Variants in WDR89 observed in about 807,000 individuals in gnomAD.
WDR89 encodes WD repeat domain 89.
WDR89 carries 17 observed loss-of-function variants against 29.1 expected under a neutral mutation model. The observed-to-expected ratio is 0.58, with a 90% CI of 0.40 to 0.88. The LOEUF (loss-of-function observed/expected upper bound fraction) is 0.88, where lower values mean the gene tolerates loss of function less well. Ranked by LOEUF, WDR89 falls within the 40% of genes least tolerant of loss-of-function variation. The probability of loss-of-function intolerance (pLI) is 0.00; values close to 1 mark genes in which losing one functional copy is unlikely to be tolerated. For synonymous variants in WDR89, 138 were observed against 157.8 expected, an observed-to-expected ratio of 0.87 and a Z score of 0.94; for missense variants, 396 against 456.3, an observed-to-expected ratio of 0.87 and a Z score of 1.20.
At chr14:63,629,320 A>G (rs149646241) in intron 1 of WDR89, among the ~76,000 whole-genome samples, 1 of 152,186 alleles carries the variant, frequency 6.6e-6, no homozygotes, top group Admixed American at 6.5e-5. Context: ...TCCAAACTTC[A>G]TCTCTTTATT....
chr14:63,637,458 A>G (rs1258701434), intron 1 of WDR89, among the ~76,000 whole-genome samples: 1 of 152,226 alleles, frequency 6.6e-6, no homozygotes, highest in African/African-American at 2.4e-5. Flanking sequence ...AGATACTTGC[A>G]CACGCATGTT....
chr14:63,615,823 C>A (rs1410263220), intron 2 of WDR89, among the ~76,000 whole-genome samples: 1 of 151,668 alleles, frequency 6.6e-6, no homozygotes, highest in Non-Finnish European at 1.5e-5. Context: ...ACTCAGGCGG[C>A]TGAGGCAGGA....
Position 63,599,241 on chromosome 14 carries a change from G to A in WDR89, c.702C>T (p.Cys234=). 2 of 1,607,926 alleles carry A rather than the reference G, an allele frequency of 1.2e-6. No homozygotes were observed. Among genetic ancestry groups the A allele is most frequent in the Non-Finnish European group, 1.7e-6 (2 of 1,176,014 alleles). Residue 234 remains cysteine (C), a synonymous_variant, in exon 3 of 3, where the codon TGC becomes TGT. Coordinates refer to ENST00000620954, the MANE Select transcript of WDR89 (RefSeq NM_080666.4). ...WSGKGYKQIY[C]MTHDEGFYWW... ...AATAAAATCCTTCATCATGTGTCATGCAGTAAATCTGTTTATAACCTTTCC... is the reference window on the plus strand; with the variant it reads ...AATAAAATCCTTCATCATGTGTCATACAGTAAATCTGTTTATAACCTTTCC...
intron 1 of WDR89, among the ~76,000 whole-genome samples, chr14:63,628,133 G>A (rs949591731): frequency 2.0e-5 from 3 of 152,124 alleles, no homozygotes; most frequent in Non-Finnish European, 4.4e-5. Flanking sequence ...GCTACTTGGG[G>A]GAGCTGAAGA....
At position 63,623,916 on chromosome 14, in the gene WDR89, ACC is replaced by A. The variant is rs1407068995; in HGVS notation, c.-32+1010_-32+1011del. On this transcript the variant is annotated intron_variant, in intron 2 of 2. Coordinates refer to ENST00000620954, the MANE Select transcript of WDR89 (RefSeq NM_080666.4). The stretch of plus-strand genomic sequence containing the variant: ...AAGGAAATGGATAGAAAAAAGATAT[ACC>A]ATGCAAATATTAATAAAAAGAAAGC... Among the ~76,000 whole-genome samples, 4 of 152,022 alleles carry A rather than the reference ACC, an allele frequency of 2.6e-5. No homozygotes were observed. In the East Asian group the frequency reaches 7.7e-4, roughly 29 times the overall value.
intron 1 of WDR89, among the ~76,000 whole-genome samples, chr14:63,627,299 T>C (rs768637652): frequency 1.2e-4 from 18 of 152,054 alleles, no homozygotes; most frequent in Non-Finnish European, 2.6e-4. Flanking sequence ...ATTAAATATA[T>C]GCGTATGTAA....
chr14:63,620,601 G>A (rs1003527943), intron 2 of WDR89, among the ~76,000 whole-genome samples: 3 of 152,114 alleles, frequency 2.0e-5, no homozygotes, highest in Admixed American at 6.5e-5. Context: ...ATTGCTAAGA[G>A]GGGGCAGGCA....
At chr14:63,603,246 C>T (rs1195427204) in intron 2 of WDR89, among the ~76,000 whole-genome samples, 1 of 151,954 alleles carries the variant, frequency 6.6e-6, no homozygotes, top group African/African-American at 2.4e-5. Flanking sequence ...CTTCTTGCCA[C>T]ATTTGCTTTC....
intron 2 of WDR89, among the ~76,000 whole-genome samples, chr14:63,619,778 G>A (rs1253911769): frequency 6.6e-6 from 1 of 152,114 alleles, no homozygotes; most frequent in East Asian, 1.9e-4. Flanking sequence ...GCCAAGGCAG[G>A]AGGATCACTT....
At chr14:63,635,094 A>G (rs528456047) in intron 1 of WDR89, among the ~76,000 whole-genome samples, 505 of 152,208 alleles carry the variant, frequency 3.3e-3, no homozygotes, top group Non-Finnish European at 5.0e-3. Flanking sequence ...ACTATTCCAC[A>G]AGATAACAAA....
intron 2 of WDR89, chr14:63,601,963 CT>C: frequency 2.4e-6 from 1 of 409,008 alleles, no homozygotes; most frequent in South Asian, 3.5e-5. Context: ...TTCTATTGTG[CT>C]TTCTCATCAG....
At chr14:63,617,435 G>A (rs922328797) in intron 2 of WDR89, among the ~76,000 whole-genome samples, 4 of 151,788 alleles carry the variant, frequency 2.6e-5, no homozygotes, top group African/African-American at 7.3e-5. Flanking sequence ...TAATTATCCA[G>A]TTGCTTATAC....
rs775370344 is a variant in WDR89, at chr14:63,599,889, T to C, written c.54A>G (p.Leu18=). The C allele has an allele frequency of 5.6e-6, 9 of 1,613,492 alleles. No homozygotes were observed. The highest frequency in any genetic ancestry group is 5.9e-6 in the Non-Finnish European group (7 of 1,179,754). The part of the protein sequence containing the change: ...FANLHIVKCS[L]GTKEPTYLLG... ...GAAGGTAAGTGGGCTCTTTGGTTCC[T>C]AAGGAACATTTAACAATGTGCAGAT... Residue 18 remains leucine (L), a synonymous_variant, in exon 3 of 3, where the codon TTA becomes TTG. Transcript: ENST00000620954.
rs1483963351 is a variant in WDR89 at position 63,597,752 on chromosome 14, A to G, written c.*1027T>C. The stretch of plus-strand genomic sequence containing the variant: ...TATGTAGTCCGCCATCAAAACATCA[A>G]TGTACTGAAGATTTTAAGCAGCATG... On this transcript the variant is annotated 3_prime_UTR_variant, in exon 3 of 3. Transcript: ENST00000620954. 6.6e-6 allele frequency: 1 copy of G among 152,178 alleles called. No homozygotes were observed. The highest frequency in any genetic ancestry group is 1.5e-5 in the Non-Finnish European group (1 of 68,032). The allele number at this position is 152,178 out of a possible 1,614,324, so 9.4% of individuals were successfully genotyped here.
chr14:63,599,719 CCATTAAG>C lies in WDR89; in HGVS notation c.217_223del (p.Leu73GlufsTer20). 1 of 1,614,154 alleles carries C rather than the reference CCATTAAG, an allele frequency of 6.2e-7. No individual in the cohort carries two copies. Among genetic ancestry groups the C allele is most frequent in the Non-Finnish European group, 8.5e-7 (1 of 1,180,028 alleles). ...GTCACAGGAATTTGCAAATCTGACT[CCATTAAG>C]AAGTCCAGGATATCCACTAAATTCT... On this transcript the variant is annotated frameshift_variant, in exon 3 of 3. Transcript: ENST00000620954. LOFTEE classifies it high-confidence loss of function.
In WDR89 at chr14:63,598,160, ACTTC is replaced by A. The variant is rs1894875494; in HGVS notation, c.*615_*618del. 1 of 152,194 alleles carries A rather than the reference ACTTC, an allele frequency of 6.6e-6. No homozygotes were observed. The highest frequency in any genetic ancestry group is 1.5e-5 in the Non-Finnish European group (1 of 68,034). The allele number at this position is 152,194 out of a possible 1,614,324, so 9.4% of individuals were successfully genotyped here. ...CTTTGAGTCTCAATTTACCAAGATA[ACTTC>A]CTTTCAATCAGCAAAACACCTGTTT... On this transcript the variant is annotated 3_prime_UTR_variant, in exon 3 of 3. Coordinates refer to ENST00000620954, the MANE Select transcript of WDR89 (RefSeq NM_080666.4).
chr14:63,606,002 T>C (rs1311103740), intron 2 of WDR89, among the ~76,000 whole-genome samples: 3 of 152,118 alleles, frequency 2.0e-5, no homozygotes, highest in Non-Finnish European at 4.4e-5. Context: ...GTGTGTCTTT[T>C]TTCTTCTTTT....
intron 2 of WDR89, among the ~76,000 whole-genome samples, chr14:63,608,004 G>C (rs929296006): frequency 1.3e-4 from 19 of 151,984 alleles, no homozygotes; most frequent in Admixed American, 2.0e-4. Flanking sequence ...TCAGGAGTTT[G>C]AGACCAGCCT....
At chr14:63,615,957 T>C (rs546911924) in intron 2 of WDR89, among the ~76,000 whole-genome samples, 2 of 150,146 alleles carry the variant, frequency 1.3e-5, no homozygotes, top group Non-Finnish European at 3.0e-5. Flanking sequence ...CAAAAACAAT[T>C]CTTGGCCAGG....
Sources: gnomAD v4.1 joint callset for allele counts (sites outside exome capture counted in the v4.1 genomes callset) on GRCh38, gnomAD v4.1.1 for gene constraint, MANE v1.5 for transcripts, NCBI Gene and HGNC (gene_info 2026-07-23, HGNC 2026-07-21) for gene names.